PRELID2: variants seen among roughly 807,000 people sequenced by gnomAD.
The protein encoded by PRELID2 is PRELI domain-containing protein 2.
In PRELID2, 25 loss-of-function variants were observed where a neutral mutation model predicts 28.4. The observed-to-expected ratio is 0.88, with a 90% confidence interval of 0.64 to 1.23. The LOEUF (loss-of-function observed/expected upper bound fraction) is 1.23. PRELID2 is among the 50% of genes most tolerant of loss of function. PRELID2 has a pLI of 0.00. For synonymous variants in PRELID2, 76 were observed against 71.6 expected, an observed-to-expected ratio of 1.06 and a Z score of -0.31; for missense variants, 201 against 214.4, an observed-to-expected ratio of 0.94 and a Z score of 0.39.
At chr5:145,814,492 A>G (rs1001372768) in intron 4 of PRELID2, among the ~76,000 whole-genome samples, 24 of 151,950 alleles carry the variant, frequency 1.6e-4, no homozygotes, top group Non-Finnish European at 7.3e-5. Flanking sequence ...TCTGATGCCA[A>G]TAAGACATGG....
At chr5:145,273,450 G>C in the PRELID2 span, among the ~76,000 whole-genome samples, 1 of 152,054 alleles carries the variant, frequency 6.6e-6, no homozygotes, top group Non-Finnish European at 1.5e-5. Context: ...TTGAGAGGAA[G>C]AAAGGAAACC....
At chr5:145,747,280 G>C (rs1400272378) in intron 1 of PRELID2, among the ~76,000 whole-genome samples, 2 of 147,530 alleles carry the variant, frequency 1.4e-5, no homozygotes, top group African/African-American at 5.0e-5. Flanking sequence ...TAACAAAATA[G>C]CAGCTAGACT....
chr5:145,649,830 A>G (rs969136964), intron 1 of PRELID2, among the ~76,000 whole-genome samples: 7 of 152,164 alleles, frequency 4.6e-5, no homozygotes, highest in African/African-American at 7.2e-5. Flanking sequence ...TTGTTTTAAC[A>G]CTAATATCTG....
intron 1 of PRELID2, among the ~76,000 whole-genome samples, chr5:145,562,102 G>C (rs1217849728): frequency 6.6e-6 from 1 of 152,172 alleles, no homozygotes; most frequent in Non-Finnish European, 1.5e-5. Context: ...TTAAAGTCAT[G>C]CATTTCAGGT....
intron 5 of PRELID2, among the ~76,000 whole-genome samples, chr5:145,772,276 A>G (rs2149783249): frequency 6.6e-6 from 1 of 152,086 alleles, no homozygotes; most frequent in African/African-American, 2.4e-5. Context: ...CCTCAATTTG[A>G]CAGGAGGCAA....
chr5:145,658,081 T>A (rs1217484392), intron 1 of PRELID2, among the ~76,000 whole-genome samples: 2 of 152,212 alleles, frequency 1.3e-5, no homozygotes, highest in Non-Finnish European at 2.9e-5. Flanking sequence ...CCTGGCAATG[T>A]GTTAGGCACT....
At chr5:145,441,334 C>T in the PRELID2 span, among the ~76,000 whole-genome samples, 2 of 151,964 alleles carry the variant, frequency 1.3e-5, no homozygotes, top group East Asian at 1.9e-4. Context: ...TGAATCTATT[C>T]CTTTCTGTCC....
the PRELID2 span, among the ~76,000 whole-genome samples, chr5:145,380,604 C>A: frequency 2.6e-5 from 4 of 152,160 alleles, no homozygotes; most frequent in African/African-American, 9.7e-5. Context: ...TTACATTTTA[C>A]ATATTTTTTC....
intron 1 of PRELID2, among the ~76,000 whole-genome samples, chr5:145,702,028 G>C (rs1755419501): frequency 6.6e-6 from 1 of 151,882 alleles, no homozygotes; most frequent in Admixed American, 6.6e-5. Flanking sequence ...TCCAGTCTGG[G>C]CAATGAGCAA....
intron 1 of PRELID2, among the ~76,000 whole-genome samples, chr5:145,514,568 T>G (rs945708098): frequency 6.6e-6 from 1 of 152,156 alleles, no homozygotes; most frequent in Non-Finnish European, 1.5e-5. Context: ...AACACTCCAC[T>G]GTCAATATTA....
At chr5:145,235,725 T>C in the PRELID2 span, among the ~76,000 whole-genome samples, 8 of 152,126 alleles carry the variant, frequency 5.3e-5, no homozygotes, top group Non-Finnish European at 7.4e-5. Flanking sequence ...CTTATGTGTG[T>C]ACATAGGATA....
chr5:145,446,789 G>A, the PRELID2 span, among the ~76,000 whole-genome samples: 6 of 152,110 alleles, frequency 3.9e-5, no homozygotes, highest in African/African-American at 1.4e-4. Flanking sequence ...GCTCACGCCT[G>A]TAATATCAGC....
chr5:145,539,790 C>T (rs77656533), intron 1 of PRELID2, among the ~76,000 whole-genome samples: 4,581 of 151,534 alleles, frequency 0.03, 200 homozygotes, highest in African/African-American at 0.09. Flanking sequence ...TTAAATATTA[C>T]GTTTCCAGAA....
chr5:145,291,380 A>G, the PRELID2 span, among the ~76,000 whole-genome samples: 422 of 149,998 alleles, frequency 2.8e-3, 2 homozygotes, highest in African/African-American at 9.9e-3. Context: ...GTATTTGGAT[A>G]CAGACATGGA....
At chr5:145,647,083 G>A (rs1334335499) in intron 1 of PRELID2, among the ~76,000 whole-genome samples, 1 of 152,168 alleles carries the variant, frequency 6.6e-6, no homozygotes, top group Non-Finnish European at 1.5e-5. Flanking sequence ...GAGCCATCAG[G>A]CTGGGACGTT....
At chr5:145,376,552 T>C in the PRELID2 span, among the ~76,000 whole-genome samples, 1 of 152,180 alleles carries the variant, frequency 6.6e-6, no homozygotes, top group African/African-American at 2.4e-5. Context: ...TTGTAGGCTA[T>C]TACTGACTCA....
the PRELID2 span, among the ~76,000 whole-genome samples, chr5:145,411,698 G>T: frequency 1.1e-4 from 17 of 152,160 alleles, no homozygotes; most frequent in Admixed American, 1.1e-3. Context: ...TGCTCCAGTG[G>T]AGACTCTGTG....
intron 1 of PRELID2, among the ~76,000 whole-genome samples, chr5:145,481,623 CAAAAAAAAAAAAAA>C (rs70998021): frequency 1.2e-4 from 5 of 41,860 alleles, no homozygotes; most frequent in East Asian, 3.5e-3. Flanking sequence ...GCAAGGAAAT[CAAAAAAAAAAAAAA>C]AAAAAAAAAA....
intron 1 of PRELID2, among the ~76,000 whole-genome samples, chr5:145,741,328 TTATA>T (rs1230204985): frequency 9.2e-5 from 3 of 32,584 alleles, no homozygotes; most frequent in Non-Finnish European, 2.0e-4. Context: ...AATAAATTAT[TTATA>T]TATAAATAAA....
Sources: allele counts gnomAD v4.1 joint callset (sites outside exome capture counted in the v4.1 genomes callset), GRCh38; gene constraint gnomAD v4.1.1; transcripts MANE v1.5; gene names NCBI Gene and HGNC (gene_info 2026-07-23, HGNC 2026-07-21).